GSE1: variants seen among roughly 807,000 people sequenced by gnomAD.
GSE1 encodes Gse1 coiled-coil protein, also known as genetic suppressor element 1.
GSE1 carries 32 observed loss-of-function variants against 112.6 expected under a neutral mutation model. That is an observed-to-expected ratio of 0.28 (90% CI 0.21 to 0.38). GSE1 has a LOEUF of 0.38. Ranked by LOEUF, GSE1 falls within the 10% of genes least tolerant of loss-of-function variation. The pLI is 1.00. For synonymous variants in GSE1, 1,115 were observed against 735.6 expected (o/e 1.52, Z -8.35); for missense variants, 2,348 against 1,699.2 (o/e 1.38, Z -6.71).
intron 1 of GSE1, among the ~76,000 whole-genome samples, chr16:85,340,635 TG>T (rs1261756171): frequency 6.6e-6 from 1 of 152,202 alleles, no homozygotes; most frequent in Non-Finnish European, 1.5e-5. Flanking sequence ...AGCAAGACCC[TG>T]TCCCAAAAAC....
At chr16:85,400,797 GTC>G (rs201859849) in intron 2 of GSE1, among the ~76,000 whole-genome samples, 2,313 of 110,586 alleles carry the variant, frequency 0.021, 38 homozygotes, top group Middle Eastern at 0.04. Flanking sequence ...TGTGGTGTGT[GTC>G]TCTGTATGAT....
At chr16:85,612,225 C>T (rs1253421065), upstream of GSE1, among the ~76,000 whole-genome samples, 3 of 150,542 alleles carry the variant, frequency 2.0e-5, no homozygotes, top group Non-Finnish European at 4.4e-5. Context: ...TGGGGACGCG[C>T]CCGCCGCGAT....
intron 1 of GSE1, among the ~76,000 whole-genome samples, chr16:85,244,765 T>C (rs1022069581): frequency 2.6e-5 from 4 of 152,094 alleles, no homozygotes; most frequent in African/African-American, 4.8e-5. Context: ...CCGAGGCCGG[T>C]GGATCACTTG....
At chr16:85,235,427 A>AGT (rs574126768) in intron 1 of GSE1, among the ~76,000 whole-genome samples, 1 of 64,944 alleles carries the variant, frequency 1.5e-5, no homozygotes, top group African/African-American at 5.8e-5. Context: ...ATGGAAGGGT[A>AGT]CTGTGTGTGT....
intron 1 of GSE1, among the ~76,000 whole-genome samples, chr16:85,184,172 G>T (rs2074652942): frequency 6.6e-6 from 1 of 152,174 alleles, no homozygotes; most frequent in South Asian, 2.1e-4. Flanking sequence ...CTGGGGAACA[G>T]GAAGAGTCTT....
chr16:85,272,165 C>G (rs1908904306), intron 1 of GSE1, among the ~76,000 whole-genome samples: 2 of 152,226 alleles, frequency 1.3e-5, no homozygotes, highest in South Asian at 2.1e-4. Flanking sequence ...GCCTAGGCTC[C>G]CTTTTCTAAC....
chr16:85,370,834 C>A (rs2047282647), intron 2 of GSE1, among the ~76,000 whole-genome samples: 1 of 152,238 alleles, frequency 6.6e-6, no homozygotes, highest in African/African-American at 2.4e-5. Context: ...ACTGGGTTTT[C>A]TCTGCTGCCC....
intron 1 of GSE1, among the ~76,000 whole-genome samples, chr16:85,327,542 G>A (rs955851032): frequency 6.6e-6 from 1 of 152,210 alleles, no homozygotes; most frequent in African/African-American, 2.4e-5. Flanking sequence ...GGCAGAGGTT[G>A]CAGTGAGCTG....
At chr16:85,227,833 G>T (rs2075515101) in intron 1 of GSE1, among the ~76,000 whole-genome samples, 2 of 152,202 alleles carry the variant, frequency 1.3e-5, no homozygotes, top group East Asian at 3.9e-4. Context: ...CTGAATGCTG[G>T]CCTCATGCCG....
intron 1 of GSE1, among the ~76,000 whole-genome samples, chr16:85,302,021 G>A (rs533780529): frequency 1.3e-5 from 2 of 152,332 alleles, no homozygotes; most frequent in East Asian, 3.9e-4. Context: ...TCTCCAGGCA[G>A]GGCTGTTTCC....
At chr16:85,303,452 T>C (rs2966866) in intron 1 of GSE1, among the ~76,000 whole-genome samples, 107,353 of 152,088 alleles carry the variant, frequency 0.71, 38,328 homozygotes, top group East Asian at 0.86. Context: ...GAAGCCCTCC[T>C]AGCCACCAGA....
intron 2 of GSE1, chr16:85,463,146 C>A: frequency 3.1e-6 from 3 of 982,012 alleles, no homozygotes; most frequent in Non-Finnish European, 3.6e-6. Flanking sequence ...AGCTCACCGC[C>A]CCGTGGACGG....
chr16:85,618,545 T>C (rs544221046), intron 1 of GSE1, among the ~76,000 whole-genome samples: 4 of 152,362 alleles, frequency 2.6e-5, no homozygotes, highest in South Asian at 4.1e-4. Flanking sequence ...ATCTGTGGAA[T>C]AGGAATGACA....
At chr16:85,408,099 CT>C (rs201545839) in intron 2 of GSE1, among the ~76,000 whole-genome samples, 16 of 50,454 alleles carry the variant, frequency 3.2e-4, no homozygotes, top group South Asian at 9.4e-4. Flanking sequence ...CAGGGCCCCC[CT>C]GGATAATCCT....
chr16:85,628,307 A>G (rs1217675982), intron 1 of GSE1, among the ~76,000 whole-genome samples: 1 of 152,228 alleles, frequency 6.6e-6, no homozygotes, highest in Non-Finnish European at 1.5e-5. Flanking sequence ...ACAGCTCCTC[A>G]GGAGCCTGCA....
intron 1 of GSE1, among the ~76,000 whole-genome samples, chr16:85,614,064 C>T (rs1052765929): frequency 2.7e-5 from 4 of 150,278 alleles, no homozygotes; most frequent in East Asian, 3.9e-4. Context: ...CCCCCACCCC[C>T]GGCGGAGCGG....
At chr16:85,603,794 A>G (rs2151493010) in intron 1 of GSE1, among the ~76,000 whole-genome samples, 1 of 152,360 alleles carries the variant, frequency 6.6e-6, no homozygotes. Context: ...GGTGTGAGCC[A>G]CTGGGCCCAG....
chr16:85,606,131 G>C (rs2047693909), intron 1 of GSE1, among the ~76,000 whole-genome samples: 1 of 152,194 alleles, frequency 6.6e-6, no homozygotes, highest in Admixed American at 6.5e-5. Context: ...ACTCCAGCAG[G>C]CCTGCCAGGT....
At chr16:85,566,535 C>A (rs2045755119) in intron 1 of GSE1, among the ~76,000 whole-genome samples, 1 of 152,182 alleles carries the variant, frequency 6.6e-6, no homozygotes, top group African/African-American at 2.4e-5. Context: ...CGGAGAATTT[C>A]TTTGTTATAG....
Sources: gnomAD v4.1 joint callset for allele counts (sites outside exome capture counted in the v4.1 genomes callset) on GRCh38, gnomAD v4.1.1 for gene constraint, MANE v1.5 for transcripts, NCBI Gene and HGNC (gene_info 2026-07-23, HGNC 2026-07-21) for gene names.